The following GPHN variants were observed in gnomAD, a reference collection of about 807,000 sequenced individuals.
GPHN encodes the protein gephyrin.
A neutral mutation model predicts 95.5 loss-of-function variants in GPHN; 17 were observed. The ratio of observed to expected loss-of-function variants is 0.18; its 90% CI spans 0.12 to 0.27. The LOEUF is 0.27. GPHN is among the 10% of genes least tolerant of loss of function. GPHN has a pLI of 1.00. For missense variants in GPHN, 660 were observed against 978.1 expected (o/e 0.67, Z 4.34); for synonymous variants, 320 against 322.5 (o/e 0.99, Z 0.08).
intron 3 of GPHN, among the ~76,000 whole-genome samples, chr14:66,811,355 G>A (rs1486604927): frequency 1.3e-5 from 2 of 152,140 alleles, no homozygotes; most frequent in South Asian, 2.1e-4. Flanking sequence ...ATTCATGTGT[G>A]TGTATTTTTT....
chr14:67,098,275 T>A (rs2077501439), intron 12 of GPHN, among the ~76,000 whole-genome samples: 1 of 152,180 alleles, frequency 6.6e-6, no homozygotes, highest in African/African-American at 2.4e-5. Flanking sequence ...AGTTTAACAC[T>A]TGGGGCATAA....
At chr14:67,587,532 G>A in the GPHN span, 1 of 423,870 alleles carries the variant, frequency 2.4e-6, no homozygotes, top group Non-Finnish European at 4.4e-6. Flanking sequence ...CTGTTACTGA[G>A]GGCATCAGTG....
the GPHN span, among the ~76,000 whole-genome samples, chr14:67,440,478 C>T: frequency 3.3e-5 from 5 of 152,100 alleles, no homozygotes; most frequent in East Asian, 3.9e-4. Context: ...AAAGCCACTC[C>T]GGACTGGGCG....
intron 8 of GPHN, among the ~76,000 whole-genome samples, chr14:66,930,653 G>T (rs1321880249): frequency 6.6e-6 from 1 of 151,088 alleles, no homozygotes; most frequent in Non-Finnish European, 1.5e-5. Flanking sequence ...AGTCTCCCAA[G>T]TAGCTGGGAC....
At chr14:66,883,046 TC>T (rs1301783931) in intron 5 of GPHN, among the ~76,000 whole-genome samples, 2 of 151,822 alleles carry the variant, frequency 1.3e-5, no homozygotes, top group Non-Finnish European at 2.9e-5. Flanking sequence ...GGTGTAGTTT[TC>T]TTTTAGATTA....
intron 3 of GPHN, among the ~76,000 whole-genome samples, chr14:66,781,574 A>G (rs1414202567): frequency 6.6e-6 from 1 of 152,176 alleles, no homozygotes; most frequent in Non-Finnish European, 1.5e-5. Flanking sequence ...TTTACCAACT[A>G]TATACACATC....
the GPHN span, among the ~76,000 whole-genome samples, chr14:67,248,276 A>G: frequency 2.6e-5 from 4 of 152,062 alleles, no homozygotes; most frequent in Admixed American, 2.6e-4. Context: ...GCCCCAGCCA[A>G]TTGGGAGGCT....
chr14:67,302,134 ACT>A, the GPHN span: 1 of 1,582,548 alleles, frequency 6.3e-7, no homozygotes, highest in Non-Finnish European at 8.6e-7. Flanking sequence ...TGTCCCACAT[ACT>A]GTTTTTAAAC....
At chr14:67,129,168 G>C (rs1359696486) in intron 17 of GPHN, among the ~76,000 whole-genome samples, 1 of 151,638 alleles carries the variant, frequency 6.6e-6, no homozygotes, top group Non-Finnish European at 1.5e-5. Context: ...TTTACCCTGA[G>C]GATATACTGT....
intron 11 of GPHN, among the ~76,000 whole-genome samples, chr14:67,064,450 A>G (rs1430762851): frequency 6.6e-6 from 1 of 152,138 alleles, no homozygotes; most frequent in Non-Finnish European, 1.5e-5. Context: ...AGCCTCATAA[A>G]ATGAGTTAGG....
the GPHN span, chr14:67,690,372 G>A: frequency 6.2e-7 from 1 of 1,614,136 alleles, no homozygotes; most frequent in Non-Finnish European, 8.5e-7. Flanking sequence ...TCCTTGATGG[G>A]GCTGATTCCT....
intron 2 of GPHN, among the ~76,000 whole-genome samples, chr14:66,733,184 C>G (rs765854316): frequency 7.2e-5 from 11 of 151,958 alleles, no homozygotes; most frequent in Non-Finnish European, 1.6e-4. Flanking sequence ...GGCAGTTTTC[C>G]CTGCTTGTGC....
intron 1 of GPHN, among the ~76,000 whole-genome samples, chr14:66,586,494 A>G (rs1367167934): frequency 6.6e-6 from 1 of 152,060 alleles, no homozygotes. Context: ...GATGGTCTTT[A>G]CAGTTTGGCA....
the GPHN span, chr14:67,359,717 G>T: frequency 6.2e-7 from 1 of 1,613,572 alleles, no homozygotes; most frequent in Admixed American, 1.7e-5. Context: ...TAACTTTTCG[G>T]CTCGGGTCCC....
At chr14:67,163,580 C>T (rs747809854) in intron 19 of GPHN, among the ~76,000 whole-genome samples, 7 of 152,092 alleles carry the variant, frequency 4.6e-5, no homozygotes, top group Non-Finnish European at 8.8e-5. Flanking sequence ...CCTAACATCA[C>T]TGTATTACAG....
At chr14:67,462,020 C>T in the GPHN span, among the ~76,000 whole-genome samples, 1 of 152,240 alleles carries the variant, frequency 6.6e-6, no homozygotes. Context: ...CACCAGCTGT[C>T]CTTGACTGCC....
At chr14:67,575,554 C>A in the GPHN span, 2 of 887,764 alleles carry the variant, frequency 2.3e-6, no homozygotes, top group African/African-American at 1.7e-5. Context: ...TGATGAAAGT[C>A]CCTACCCCAC....
At chr14:67,577,052 T>A in the GPHN span, among the ~76,000 whole-genome samples, 8 of 152,200 alleles carry the variant, frequency 5.3e-5, no homozygotes, top group African/African-American at 1.9e-4. Flanking sequence ...CCACCTGCAC[T>A]CAGACACCCA....
chr14:67,710,625 C>T, the GPHN span, among the ~76,000 whole-genome samples: 2 of 151,942 alleles, frequency 1.3e-5, no homozygotes, highest in South Asian at 4.1e-4. Context: ...ACTTTCTTTA[C>T]ATCTCTTTTA....
Sources: gnomAD v4.1 joint callset for allele counts (sites outside exome capture counted in the v4.1 genomes callset) on GRCh38, gnomAD v4.1.1 for gene constraint, MANE v1.5 for transcripts, NCBI Gene and HGNC (gene_info 2026-07-23, HGNC 2026-07-21) for gene names.